NALF1: variants seen among roughly 807,000 people sequenced by gnomAD.
NALF1 encodes family with sequence similarity 155 member A.
A neutral mutation model predicts 48.4 loss-of-function variants in NALF1; 3 were observed. The ratio of observed to expected loss-of-function variants is 0.06; its 90% CI spans 0.03 to 0.16. The LOEUF is 0.16. NALF1 is among the 10% of genes least tolerant of loss of function. NALF1 has a pLI of 1.00. For synonymous variants in NALF1, 262 were observed against 245.7 expected, an observed-to-expected ratio of 1.07 and a Z score of -0.62; for missense variants, 526 against 571.5, an observed-to-expected ratio of 0.92 and a Z score of 0.81.
intron 1 of NALF1, among the ~76,000 whole-genome samples, chr13:107,630,144 G>A (rs563198620): frequency 7.9e-4 from 119 of 151,328 alleles, no homozygotes; most frequent in African/African-American, 2.8e-3. Flanking sequence ...CAAGGTCATC[G>A]CCAAGGTCTG....
intron 1 of NALF1, among the ~76,000 whole-genome samples, chr13:107,668,716 T>C (rs1880918812): frequency 6.6e-6 from 1 of 152,096 alleles, no homozygotes; most frequent in Non-Finnish European, 1.5e-5. Flanking sequence ...TGTGCTCATG[T>C]AGAGTCCAGG....
chr13:107,607,758 C>T (rs1217202166), intron 1 of NALF1, among the ~76,000 whole-genome samples: 2 of 152,140 alleles, frequency 1.3e-5, no homozygotes, highest in African/African-American at 4.8e-5. Context: ...TACTTAACTA[C>T]CCTTGCCTTA....
chr13:107,744,321 C>T (rs978112890), intron 1 of NALF1, among the ~76,000 whole-genome samples: 1 of 152,134 alleles, frequency 6.6e-6, no homozygotes, highest in African/African-American at 2.4e-5. Flanking sequence ...CAGCAGATTG[C>T]CTCGAGAATT....
intron 1 of NALF1, among the ~76,000 whole-genome samples, chr13:107,677,221 A>G (rs1251147197): frequency 6.6e-6 from 1 of 152,140 alleles, no homozygotes; most frequent in Non-Finnish European, 1.5e-5. Context: ...TAAGTTGTGT[A>G]TTTTTAGTAG....
chr13:107,852,050 C>T (rs1218464503), intron 1 of NALF1, among the ~76,000 whole-genome samples: 3 of 151,696 alleles, frequency 2.0e-5, no homozygotes, highest in Non-Finnish European at 4.4e-5. Context: ...AATCCTCCTG[C>T]CTCAGCCTCC....
At chr13:107,680,528 AGTGT>A (rs778292724) in intron 1 of NALF1, among the ~76,000 whole-genome samples, 13 of 151,054 alleles carry the variant, frequency 8.6e-5, no homozygotes, top group African/African-American at 1.2e-4. Flanking sequence ...GTGTGTGAGG[AGTGT>A]GTATGTGATG....
chr13:107,456,752 G>C lies in NALF1; in HGVS notation c.916-245997C>G, dbSNP rs183561610. ...TAGGAAACATGCTGGCACGTGGTAA[G>C]TTTATTCTCATATTTCCATTTTTTA... is the stretch of plus-strand genomic sequence containing the variant. On this transcript the variant is annotated intron_variant, in intron 1 of 2. Coordinates refer to ENST00000375915, the MANE Select transcript of NALF1 (RefSeq NM_001080396.3). 3.8e-3 allele frequency among the ~76,000 whole-genome samples: 581 copies of C among 152,250 alleles called. 2 individuals are homozygous for C. Among genetic ancestry groups the C allele is most frequent in the Non-Finnish European group, 7.0e-3 (478 of 68,008 alleles).
intron 1 of NALF1, among the ~76,000 whole-genome samples, chr13:107,340,508 T>TCTTCTC (rs1171407466): frequency 2.2e-5 from 3 of 135,460 alleles, no homozygotes; most frequent in Non-Finnish European, 3.2e-5. Flanking sequence ...TTTCTTTCTT[T>TCTTCTC]TCTTTCTTTC....
intron 1 of NALF1, among the ~76,000 whole-genome samples, chr13:107,552,505 G>C (rs1877324062): frequency 6.6e-6 from 1 of 152,088 alleles, no homozygotes; most frequent in Non-Finnish European, 1.5e-5. Flanking sequence ...TACTCCAAAA[G>C]ATAAGAAAAT....
chr13:107,619,234 T>G (rs1488778268), intron 1 of NALF1, among the ~76,000 whole-genome samples: 10 of 152,190 alleles, frequency 6.6e-5, no homozygotes, highest in African/African-American at 2.4e-4. Flanking sequence ...ACGTTATGTT[T>G]ATGCGCTCAG....
chr13:107,779,689 A>T (rs1047846499), intron 1 of NALF1, among the ~76,000 whole-genome samples: 3 of 152,150 alleles, frequency 2.0e-5, no homozygotes, highest in African/African-American at 7.2e-5. Flanking sequence ...TCATACATTA[A>T]GCTGAGATCT....
At chr13:107,461,954 C>G (rs1007185170) in intron 1 of NALF1, among the ~76,000 whole-genome samples, 6 of 152,114 alleles carry the variant, frequency 3.9e-5, no homozygotes, top group Non-Finnish European at 8.8e-5. Flanking sequence ...ATCTCAAAGA[C>G]TGAGTTAAAA....
intron 1 of NALF1, among the ~76,000 whole-genome samples, chr13:107,709,617 T>C (rs1385669824): frequency 1.3e-5 from 2 of 152,244 alleles, no homozygotes; most frequent in African/African-American, 4.8e-5. Flanking sequence ...CTTTTTAAAA[T>C]TCTGGTTTAT....
At chr13:107,786,289 G>A (rs149752498) in intron 1 of NALF1, among the ~76,000 whole-genome samples, 1 of 151,954 alleles carries the variant, frequency 6.6e-6, no homozygotes, top group African/African-American at 2.4e-5. Flanking sequence ...GGTGGTGCAT[G>A]CCTGTAATCC....
chr13:107,566,961 C>T (rs1195930069), intron 1 of NALF1, among the ~76,000 whole-genome samples: 1 of 151,954 alleles, frequency 6.6e-6, no homozygotes, highest in African/African-American at 2.4e-5. Flanking sequence ...CAAGTTGATG[C>T]CAGGGTTCAT....
intron 2 of NALF1, among the ~76,000 whole-genome samples, chr13:107,202,923 A>G (rs1158484788): frequency 5.9e-5 from 9 of 152,166 alleles, no homozygotes; most frequent in Non-Finnish European, 1.3e-4. Flanking sequence ...TGTTTCTGCA[A>G]TTGCTTGTTT....
At chr13:107,590,190 CA>C (rs1052348666) in intron 1 of NALF1, among the ~76,000 whole-genome samples, 18 of 151,840 alleles carry the variant, frequency 1.2e-4, no homozygotes, top group African/African-American at 3.9e-4. Flanking sequence ...TAAAAAATTT[CA>C]AATGAGTAGT....
At chr13:107,662,678 T>G (rs1047456362) in intron 1 of NALF1, among the ~76,000 whole-genome samples, 2 of 152,142 alleles carry the variant, frequency 1.3e-5, no homozygotes, top group Admixed American at 1.3e-4. Flanking sequence ...GTATTATAAT[T>G]TTAAAGATTC....
intron 1 of NALF1, 70 bp downstream of exon 1, chr13:107,865,612 T>C (rs982013663): frequency 6.5e-7 from 1 of 1,536,000 alleles, no homozygotes. Flanking sequence ...AATAATAAAC[T>C]TGAGAAGACA....
Sources: gnomAD v4.1 joint callset for allele counts (sites outside exome capture counted in the v4.1 genomes callset) on GRCh38, gnomAD v4.1.1 for gene constraint, MANE v1.5 for transcripts, NCBI Gene and HGNC (gene_info 2026-07-23, HGNC 2026-07-21) for gene names.